Variants in MDFI observed in about 807,000 individuals in gnomAD.
MDFI encodes the protein MyoD family inhibitor, also known as inhibitor of MyoD family a.
A neutral mutation model predicts 22.3 loss-of-function variants in MDFI; 16 were observed. The observed-to-expected ratio is 0.72, with a 90% CI of 0.49 to 1.09. MDFI has a LOEUF of 1.09. Ranked by LOEUF, MDFI falls within the 50% of genes least tolerant of loss-of-function variation. The pLI is 0.00. For missense variants in MDFI, 314 were observed against 326.1 expected (o/e 0.96, Z 0.29); for synonymous variants, 145 against 142.7 (o/e 1.02, Z -0.12).
At chr6:41,640,482 C>T (rs76460675) in intron 2 of MDFI, among the ~76,000 whole-genome samples, 8,674 of 152,236 alleles carry the variant, frequency 0.057, 334 homozygotes, top group Middle Eastern at 0.085. Context: ...CTGGGCTGGG[C>T]CAGACAATGC....
intron 2 of MDFI, 115 bp from the exon 3 acceptor site, chr6:41,646,011 A>G (rs973467565): frequency 7.3e-6 from 7 of 962,504 alleles, no homozygotes; most frequent in Non-Finnish European, 1.0e-5. Flanking sequence ...TAACTGATGC[A>G]GACAGACAAA....
At chr6:41,641,762 C>T (rs548173952) in intron 2 of MDFI, among the ~76,000 whole-genome samples, 1 of 152,310 alleles carries the variant, frequency 6.6e-6, no homozygotes, top group Admixed American at 6.5e-5. Context: ...ACAGGCCTCT[C>T]TCCACACCAG....
Position 41,638,956 on chromosome 6 carries a change from A to G in MDFI, c.76+131A>G, listed in dbSNP as rs983958107. On this transcript the variant is annotated intron_variant, in intron 2 of 4. Transcript: ENST00000230321. This position sits in a 1 kb window ranked among gnomAD's most constrained non-coding sequence, Gnocchi z 7.6. The stretch of plus-strand genomic sequence containing the variant: ...GGGAGCTTGGTGGGGGTAGGGACGA[A>G]AAGTCTGGGTTTGAGGACTTGGTCC... 2 of 1,078,186 alleles carry G rather than the reference A, an allele frequency of 1.9e-6. No individual in the cohort carries two copies. The highest frequency in any genetic ancestry group is 3.2e-5 in the African/African-American group (2 of 61,810). 66.8% of individuals were successfully genotyped at this position (1,078,186 alleles called of 1,614,324 possible). A position where few individuals can be genotyped will look rare whatever the true frequency, so the allele number is the denominator to read the frequency against.
chr6:41,653,257 A>C lies in MDFI; in HGVS notation c.485-62A>C. 6.4e-7 allele frequency: 1 copy of C among 1,561,882 alleles called. No individual in the cohort carries two copies. Among genetic ancestry groups the C allele is most frequent in the Non-Finnish European group, 8.7e-7 (1 of 1,147,552 alleles). On this transcript the variant is annotated intron_variant, in intron 4 of 4. Coordinates refer to ENST00000230321, the MANE Select transcript of MDFI (RefSeq NM_005586.4). The surrounding 1 kb of genome is among the most constrained non-coding windows in gnomAD (Gnocchi z 4.2). ...GCCGCAGGCCCCCACACCCCCGGCT[A>C]TTTCACACACGCTCATCCCTCCCCT...
intron 4 of MDFI, among the ~76,000 whole-genome samples, chr6:41,652,704 C>T (rs969508688): frequency 6.7e-5 from 10 of 148,442 alleles, no homozygotes; most frequent in East Asian, 2.0e-4. Flanking sequence ...ACAGCCTCCA[C>T]CTCCTGGGTT....
chr6:41,647,106 C>T (rs1487708905), intron 3 of MDFI, among the ~76,000 whole-genome samples: 1 of 152,218 alleles, frequency 6.6e-6, no homozygotes, highest in Admixed American at 6.5e-5. Flanking sequence ...GCATCTGGGG[C>T]TAAGCTGGAC....
chr6:41,649,520 G>T, intron 3 of MDFI, 99 bp from the exon 4 acceptor site: 1 of 1,120,938 alleles, frequency 8.9e-7, no homozygotes, highest in Non-Finnish European at 1.3e-6. Context: ...GGGTGCTTTG[G>T]GGTATATGTA....
rs1768347205 is a variant in MDFI, at chr6:41,653,248, C to T, written c.485-71C>T. 6.5e-7 allele frequency: 1 copy of T among 1,532,278 alleles called. No individual in the cohort carries two copies. The highest frequency in any genetic ancestry group is 1.2e-5 in the South Asian group (1 of 83,716). 94.9% of individuals were successfully genotyped at this position (1,532,278 alleles called of 1,614,324 possible). A position where few individuals can be genotyped will look rare whatever the true frequency, so the allele number is the denominator to read the frequency against. On this transcript the variant is annotated intron_variant, in intron 4 of 4. Transcript: ENST00000230321. The surrounding 1 kb of genome is among the most constrained non-coding windows in gnomAD (Gnocchi z 4.2). The stretch of plus-strand genomic sequence containing the variant: ...GCTGCCGCTGCCGCAGGCCCCCACA[C>T]CCCCGGCTATTTCACACACGCTCAT...
chr6:41,649,389 G>A (rs1304216607), intron 3 of MDFI, among the ~76,000 whole-genome samples: 1 of 152,196 alleles, frequency 6.6e-6, no homozygotes, highest in Non-Finnish European at 1.5e-5. Context: ...GTCATTTCTG[G>A]ACTGAGCACT....
In MDFI at chr6:41,638,964, G is replaced by T; in HGVS notation, c.76+139G>T. 9.7e-6 allele frequency: 10 copies of T among 1,029,562 alleles called. No homozygotes were observed. The highest frequency in any genetic ancestry group is 1.4e-5 in the Non-Finnish European group (10 of 727,720). The allele number at this position is 1,029,562 out of a possible 1,614,324, so 63.8% of individuals were successfully genotyped here. On this transcript the variant is annotated intron_variant, in intron 2 of 4. Coordinates refer to ENST00000230321, the MANE Select transcript of MDFI (RefSeq NM_005586.4). The surrounding 1 kb of genome is among the most constrained non-coding windows in gnomAD (Gnocchi z 7.6). ...GGTGGGGGTAGGGACGAAAAGTCTGGGTTTGAGGACTTGGTCCAAGGAGAG... is the reference window on the plus strand; with the variant it reads ...GGTGGGGGTAGGGACGAAAAGTCTGTGTTTGAGGACTTGGTCCAAGGAGAG...
chr6:41,646,241 C>A lies in MDFI; in HGVS notation c.192C>A (p.Gly64=). 1.3e-6 allele frequency: 2 copies of A among 1,584,718 alleles called. No individual in the cohort carries two copies. The highest frequency in any genetic ancestry group is 1.7e-6 in the Non-Finnish European group (2 of 1,166,344). ...LEEAATPMPQ[G]NGPGIPQGLD... ...AGGCGGCAACCCCCATGCCCCAAGG[C>A]AATGGCCCTGGCATCCCCCAGGGCC... The change falls in exon 3 of 5, where the codon GGC becomes GGA. Residue 64 remains glycine, a synonymous_variant. Coordinates refer to ENST00000230321, the MANE Select transcript of MDFI (RefSeq NM_005586.4).
chr6:41,644,332 G>A, intron 2 of MDFI, among the ~76,000 whole-genome samples: 1 of 152,206 alleles, frequency 6.6e-6, no homozygotes, highest in East Asian at 1.9e-4. Flanking sequence ...TAACTCTCCT[G>A]CCCTGCACAA....
chr6:41,643,049 T>C (rs931884486), intron 2 of MDFI, among the ~76,000 whole-genome samples: 2 of 152,106 alleles, frequency 1.3e-5, no homozygotes, highest in Non-Finnish European at 1.5e-5. Flanking sequence ...ACTCACAGTG[T>C]CACCTCTGTG....
intron 2 of MDFI, among the ~76,000 whole-genome samples, chr6:41,645,511 C>T (rs1329995418): frequency 2.0e-5 from 3 of 152,132 alleles, no homozygotes; most frequent in African/African-American, 7.2e-5. Context: ...TCATCATCCT[C>T]TCTGACCCAG....
In MDFI at chr6:41,638,650, CGAGT is replaced by C. The variant is rs1336681966; in HGVS notation, c.-12+4_-12+7del. ...GGAAGAGAGCGTAGCACGGCTCGCACGAGTGAGTGGACGTGGGAGGCGCGCATCT... is the reference window on the plus strand; with the variant it reads ...GGAAGAGAGCGTAGCACGGCTCGCACGAGTGGACGTGGGAGGCGCGCATCT... On this transcript the variant is annotated splice_donor_variant and 5_prime_UTR_variant, in exon 1 of 5. Transcript: ENST00000230321. LOFTEE classifies it low-confidence loss of function (5UTR_SPLICE). This position sits in a 1 kb window ranked among gnomAD's most constrained non-coding sequence, Gnocchi z 7.6. The C allele has an allele frequency of 3.8e-6, 5 of 1,329,662 alleles. No individual in the cohort carries two copies. The highest frequency in any genetic ancestry group is 2.6e-5 in the South Asian group (2 of 76,350). The allele number at this position is 1,329,662 out of a possible 1,614,324, so 82.4% of individuals were successfully genotyped here.
chr6:41,646,698 G>A (rs1218616609), intron 3 of MDFI, among the ~76,000 whole-genome samples: 9 of 152,196 alleles, frequency 5.9e-5, no homozygotes, highest in Non-Finnish European at 1.5e-5. Context: ...GCTCTAGGGC[G>A]AAAGGAACAA....
Position 41,653,399 on chromosome 6 carries a change from T to A in MDFI, c.565T>A (p.Cys189Ser). The A allele has an allele frequency of 6.2e-7, 1 of 1,610,880 alleles. No homozygotes were observed. Among genetic ancestry groups the A allele is most frequent in the Non-Finnish European group, 8.5e-7 (1 of 1,179,998 alleles). The stretch of plus-strand genomic sequence containing the variant: ...CAACATCGTCCTGGACTGCGCCACC[T>A]GTGGCTCCTGCAGCTCGGAGGACTC... ...LCNIVLDCAT[C>S]GSCSSEDSCL... is the part of the protein sequence containing the mutation. The change falls in exon 5 of 5, where the codon TGT becomes AGT. Residue 189 changes from cysteine (C) to serine (S), a missense_variant. Physicochemically the swap from Cys to Ser is moderately radical, Grantham distance 112. Coordinates refer to ENST00000230321, the MANE Select transcript of MDFI (RefSeq NM_005586.4). This position sits in a 1 kb window ranked among gnomAD's most constrained non-coding sequence, Gnocchi z 4.2.
chr6:41,639,364 T>C (rs2127425133), intron 2 of MDFI: 1 of 985,082 alleles, frequency 1.0e-6, no homozygotes, highest in Non-Finnish European at 1.2e-6. Flanking sequence ...TGCCGGCCAG[T>C]CCCCGCCGCC....
intron 3 of MDFI, among the ~76,000 whole-genome samples, chr6:41,648,005 C>T (rs1386961745): frequency 7.1e-6 from 1 of 141,278 alleles, no homozygotes; most frequent in Non-Finnish European, 1.5e-5. Context: ...GATTGCGCCA[C>T]TGCACTCTGG....
Sources: allele counts gnomAD v4.1 joint callset (sites outside exome capture counted in the v4.1 genomes callset), GRCh38; gene constraint gnomAD v4.1.1; non-coding constraint Gnocchi (gnomAD v3.1); transcripts MANE v1.5; gene names NCBI Gene and HGNC (gene_info 2026-07-23, HGNC 2026-07-21).